The following PPP1CC variants were observed in gnomAD, a reference collection of about 807,000 sequenced individuals.
PPP1CC encodes protein phosphatase 1 catalytic subunit gamma, also known as serine/threonine-protein phosphatase PP1-gamma catalytic subunit.
Under a neutral mutation model 38.4 loss-of-function variants are expected in PPP1CC, and 16 were observed. The ratio of observed to expected loss-of-function variants is 0.42; its 90% CI spans 0.28 to 0.63. The LOEUF is 0.63. Ranked by LOEUF, PPP1CC falls within the 30% of genes least tolerant of loss-of-function variation. The pLI is 0.25. For synonymous variants in PPP1CC, 158 were observed against 136.0 expected, an observed-to-expected ratio of 1.16 and a Z score of -1.13; for missense variants, 170 against 391.3, an observed-to-expected ratio of 0.43 and a Z score of 4.77.
chr12:110,727,285 C>A (rs2069810222), intron 3 of PPP1CC, among the ~76,000 whole-genome samples: 1 of 152,216 alleles, frequency 6.6e-6, no homozygotes, highest in South Asian at 2.1e-4. Context: ...ACTCCAGCTT[C>A]TCCTGCTGAT....
rs1488241821 is a variant in PPP1CC, at chr12:110,742,638, C to T, written c.55+15G>A. 2 of 1,449,814 alleles carry T rather than the reference C, an allele frequency of 1.4e-6. No homozygotes were observed. Among genetic ancestry groups the T allele is most frequent in the Non-Finnish European group, 1.8e-6 (2 of 1,095,482 alleles). The allele number at this position is 1,449,814 out of a possible 1,614,324, so 89.8% of individuals were successfully genotyped here. ...AGGCCCGCCTCCCCCTTCAGCCGCC[C>T]GCCGCCCCCCTTACCTTCCAGCAGC... On this transcript the variant is annotated intron_variant, in intron 1 of 6. Coordinates refer to ENST00000335007, the MANE Select transcript of PPP1CC (RefSeq NM_002710.4).
intron 2 of PPP1CC, 47 bp from the exon 3 acceptor site, chr12:110,730,806 AATCCACT>A (rs765204848): frequency 5.3e-5 from 67 of 1,263,478 alleles, no homozygotes; most frequent in Non-Finnish European, 6.4e-5. Flanking sequence ...CTTAAAGCTC[AATCCACT>A]AACAAAGCTT....
At chr12:110,715,235 G>A (rs2069678750), downstream of PPP1CC, among the ~76,000 whole-genome samples, 1 of 152,120 alleles carries the variant, frequency 6.6e-6, no homozygotes, top group South Asian at 2.1e-4. Flanking sequence ...GGCTGAATGA[G>A]TATTAAAATC....
rs1335302514 is a variant in PPP1CC at position 110,721,204 on chromosome 12, C to T, written c.883-39G>A. 5.8e-6 allele frequency: 9 copies of T among 1,544,598 alleles called. No individual in the cohort carries two copies. In the Admixed American group the frequency reaches 1.2e-4, roughly 20 times the overall value. On this transcript the variant is annotated intron_variant, in intron 6 of 6. Transcript: ENST00000335007. ...AGACAGTTAATTTAGGAAATATACT[C>T]AACCCCAAATCTTAAGAGTCCTTAA...
chr12:110,716,548 T>A (rs1459560578), downstream of PPP1CC, among the ~76,000 whole-genome samples: 1 of 152,134 alleles, frequency 6.6e-6, no homozygotes, highest in Non-Finnish European at 1.5e-5. Context: ...AGACAGGATT[T>A]CACCATGTTG....
chr12:110,728,511 G>A (rs1245930936), intron 3 of PPP1CC, among the ~76,000 whole-genome samples: 1 of 151,884 alleles, frequency 6.6e-6, no homozygotes. Context: ...CCAGCACTTA[G>A]GGAGGCTGAG....
downstream of PPP1CC, among the ~76,000 whole-genome samples, chr12:110,717,980 G>A (rs1345761025): frequency 6.6e-6 from 1 of 152,106 alleles, no homozygotes; most frequent in Non-Finnish European, 1.5e-5. Flanking sequence ...TCACTTCCCA[G>A]CAAACTGAAT....
In PPP1CC at chr12:110,720,062, T is replaced by C; in HGVS notation, c.*1014A>G. 1.5e-6 allele frequency: 2 copies of C among 1,329,068 alleles called. No individual in the cohort carries two copies. The highest frequency in any genetic ancestry group is 2.1e-6 in the Non-Finnish European group (2 of 966,698). The allele number at this position is 1,329,068 out of a possible 1,614,324, so 82.3% of individuals were successfully genotyped here. ...ATAAACTGGTGGACAGTAAGTTAGT[T>C]CCTTTGTTTTAACTTATAAGCCTCA... is the stretch of plus-strand genomic sequence containing the variant. On this transcript the variant is annotated 3_prime_UTR_variant, in exon 7 of 7. Transcript: ENST00000335007.
In PPP1CC at chr12:110,722,755, C is replaced by T. The variant is rs143894143; in HGVS notation, c.524-60G>A. ...CAGAACTTTTAAAAGGATACTACCC[C>T]TTCAAAAGTTCCATTTGTCTACAGA... On this transcript the variant is annotated intron_variant, in intron 4 of 6. Coordinates refer to ENST00000335007, the MANE Select transcript of PPP1CC (RefSeq NM_002710.4). The surrounding 1 kb of genome is among the most constrained non-coding windows in gnomAD (Gnocchi z 5.4). 1.6e-6 allele frequency: 2 copies of T among 1,260,436 alleles called. No homozygotes were observed. Among genetic ancestry groups the T allele is most frequent in the African/African-American group, 1.5e-5 (1 of 66,068 alleles). 78.1% of individuals were successfully genotyped at this position (1,260,436 alleles called of 1,614,324 possible).
rs1272545340 is a variant in PPP1CC at position 110,720,181 on chromosome 12, T to C, written c.*895A>G. Reference sequence around the variant, plus strand: ...TTTCTATAATTTGAAGCTTTCTGAATGGACGGGTTCAGGCCTGATGCAACT... The same window carrying C: ...TTTCTATAATTTGAAGCTTTCTGAACGGACGGGTTCAGGCCTGATGCAACT... On this transcript the variant is annotated 3_prime_UTR_variant, in exon 7 of 7. Transcript: ENST00000335007. 2.6e-6 allele frequency: 4 copies of C among 1,554,788 alleles called. No individual in the cohort carries two copies. Among genetic ancestry groups the C allele is most frequent in the East Asian group, 2.3e-5 (1 of 43,226 alleles).
chr12:110,733,915 A>G (rs1454926097), intron 1 of PPP1CC, among the ~76,000 whole-genome samples: 1 of 152,230 alleles, frequency 6.6e-6, no homozygotes, highest in Non-Finnish European at 1.5e-5. Context: ...AAATTAGCAG[A>G]AAGAAAAAAG....
chr12:110,712,220 G>T, the PPP1CC span, among the ~76,000 whole-genome samples: 2 of 151,962 alleles, frequency 1.3e-5, no homozygotes, highest in Non-Finnish European at 2.9e-5. Flanking sequence ...TTTGCACAAT[G>T]ATGAAATTGC....
At chr12:110,712,792 C>T in the PPP1CC span, among the ~76,000 whole-genome samples, 1 of 152,022 alleles carries the variant, frequency 6.6e-6, no homozygotes, top group African/African-American at 2.4e-5. Context: ...GAAAACCAGG[C>T]TGGGCGTGGT....
In PPP1CC at chr12:110,742,725, C is replaced by T. The variant is rs1045920113; in HGVS notation, c.-18G>A. 2 of 1,418,338 alleles carry T rather than the reference C, an allele frequency of 1.4e-6. No individual in the cohort carries two copies. The highest frequency in any genetic ancestry group is 1.9e-6 in the Non-Finnish European group (2 of 1,073,456). The allele number at this position is 1,418,338 out of a possible 1,614,324, so 87.9% of individuals were successfully genotyped here. Reference sequence around the variant, plus strand: ...TCCGCCATCGCCTTCCCACCGCCGACCCTCCCGCAGCGGCGCCGCCGCCGG... The same window carrying T: ...TCCGCCATCGCCTTCCCACCGCCGATCCTCCCGCAGCGGCGCCGCCGCCGG... On this transcript the variant is annotated 5_prime_UTR_variant, in exon 1 of 7. Transcript: ENST00000335007.
chr12:110,719,432 A>C (rs778512348), downstream of PPP1CC, among the ~76,000 whole-genome samples: 23 of 152,188 alleles, frequency 1.5e-4, no homozygotes, highest in Non-Finnish European at 2.8e-4. Context: ...CATGCTCTTC[A>C]CTCATTTTTA....
At chr12:110,728,663 G>C (rs2069837118) in intron 3 of PPP1CC, among the ~76,000 whole-genome samples, 1 of 152,196 alleles carries the variant, frequency 6.6e-6, no homozygotes, top group Admixed American at 6.5e-5. Context: ...CTAAGGAGTA[G>C]TAACTGGCTT....
chr12:110,739,431 A>G (rs2069986835), intron 1 of PPP1CC, among the ~76,000 whole-genome samples: 1 of 150,558 alleles, frequency 6.6e-6, no homozygotes, highest in Non-Finnish European at 1.5e-5. Context: ...GTCCTTTATT[A>G]TCTTTAGGAC....
Position 110,722,127 on chromosome 12 carries a change from T to C in PPP1CC, c.882+8A>G, listed in dbSNP as rs1396033324. On this transcript the variant is annotated splice_region_variant and intron_variant, in intron 6 of 6. Transcript: ENST00000335007. This position sits in a 1 kb window ranked among gnomAD's most constrained non-coding sequence, Gnocchi z 5.4. ...TTAAAAGGAAATCATGTTGAAAGCA[T>C]GCTCTACCTGAAAAGAACACATTAG... The C allele has an allele frequency of 6.2e-7, 1 of 1,613,654 alleles. No individual in the cohort carries two copies. The highest frequency in any genetic ancestry group is 1.1e-5 in the South Asian group (1 of 90,994).
intron 1 of PPP1CC, among the ~76,000 whole-genome samples, chr12:110,738,328 T>C (rs2069971871): frequency 6.6e-6 from 1 of 152,240 alleles, no homozygotes; most frequent in Non-Finnish European, 1.5e-5. Flanking sequence ...AATGAAATCC[T>C]TCCTTCTTGG....
Sources: allele counts gnomAD v4.1 joint callset (sites outside exome capture counted in the v4.1 genomes callset), GRCh38; gene constraint gnomAD v4.1.1; non-coding constraint Gnocchi (gnomAD v3.1); transcripts MANE v1.5; gene names NCBI Gene and HGNC (gene_info 2026-07-23, HGNC 2026-07-21).